GSE1: variants seen among roughly 807,000 people sequenced by gnomAD.
GSE1 encodes the protein genetic suppressor element 1.
Under a neutral mutation model 112.6 loss-of-function variants are expected in GSE1, and 32 were observed. The observed-to-expected ratio is 0.28, with a 90% confidence interval of 0.21 to 0.38. GSE1 has a LOEUF of 0.38. Among genes scored for constraint, GSE1 ranks in the 10% least tolerant of loss-of-function variants. The pLI is 1.00. For missense variants in GSE1, 2,348 were observed against 1,699.2 expected (o/e 1.38, Z -6.71); for synonymous variants, 1,115 against 735.6 (o/e 1.52, Z -8.35).
intron 1 of GSE1, among the ~76,000 whole-genome samples, chr16:85,238,427 G>A (rs947544817): frequency 3.3e-5 from 5 of 152,238 alleles, no homozygotes; most frequent in African/African-American, 1.2e-4. Context: ...GGTGGGGGCT[G>A]GTGCTGCAGT....
At chr16:85,558,529 C>T (rs904981610) in intron 1 of GSE1, among the ~76,000 whole-genome samples, 1 of 152,136 alleles carries the variant, frequency 6.6e-6, no homozygotes, top group Non-Finnish European at 1.5e-5. Context: ...AAATTCAAAG[C>T]CATTAAGGAA....
chr16:85,313,892 A>T (rs1273111411), intron 1 of GSE1, among the ~76,000 whole-genome samples: 2 of 151,188 alleles, frequency 1.3e-5, no homozygotes, highest in Non-Finnish European at 2.9e-5. Flanking sequence ...TCCTGGGGTG[A>T]TGTGCTACAG....
At chr16:85,256,243 A>C (rs1907067423) in intron 1 of GSE1, among the ~76,000 whole-genome samples, 1 of 152,182 alleles carries the variant, frequency 6.6e-6, no homozygotes, top group South Asian at 2.1e-4. Flanking sequence ...TGGGGAAAAC[A>C]ACCCAACAAA....
At chr16:85,359,621 T>A (rs62048512) in intron 2 of GSE1, among the ~76,000 whole-genome samples, 1 of 152,230 alleles carries the variant, frequency 6.6e-6, no homozygotes, top group Non-Finnish European at 1.5e-5. Flanking sequence ...GAACCAAGTC[T>A]GCCTTTTTCC....
At chr16:85,304,608 G>GGGGGGGGGGA (rs1567675843) in intron 1 of GSE1, among the ~76,000 whole-genome samples, 1 of 132,096 alleles carries the variant, frequency 7.6e-6, no homozygotes, top group Non-Finnish European at 1.7e-5. Flanking sequence ...GGGCGGGGGG[G>GGGGGGGGGGA]TGGGGCATCC....
In GSE1 at chr16:85,367,554, G is replaced by A. The variant is rs576663369; in HGVS notation, c.2464+9911G>A. On this transcript the variant is annotated intron_variant, in intron 2 of 2. Transcript: ENST00000637419. Reference sequence around the variant, plus strand: ...GCAGGGGACAGAGAGACCTGAGGGCGTGGCTTTAGACGGGTGGTCGCAGAG... The same window carrying A: ...GCAGGGGACAGAGAGACCTGAGGGCATGGCTTTAGACGGGTGGTCGCAGAG... Among the ~76,000 whole-genome samples the A allele has an allele frequency of 3.7e-4, 56 of 152,358 alleles. 1 individual carries two copies. The highest frequency in any genetic ancestry group is 3.3e-3 in the Admixed American group (50 of 15,312).
At chr16:85,235,427 A>ATTGTGTGTGT (rs574126768) in intron 1 of GSE1, among the ~76,000 whole-genome samples, 147 of 65,002 alleles carry the variant, frequency 2.3e-3, no homozygotes, top group Non-Finnish European at 4.0e-3. Context: ...ATGGAAGGGT[A>ATTGTGTGTGT]CTGTGTGTGT....
chr16:85,209,010 C>G (rs531745069), intron 1 of GSE1, among the ~76,000 whole-genome samples: 1 of 147,870 alleles, frequency 6.8e-6, no homozygotes, highest in African/African-American at 2.5e-5. Context: ...TGTTGGGGTT[C>G]GCTGCGTGTT....
At chr16:85,481,475 G>A (rs1203133958) in intron 2 of GSE1, among the ~76,000 whole-genome samples, 1 of 152,308 alleles carries the variant, frequency 6.6e-6, no homozygotes, top group East Asian at 1.9e-4. Context: ...CATGTAAGAG[G>A]AACCTTGCCA....
At chr16:85,336,930 A>G (rs1476801041) in intron 1 of GSE1, among the ~76,000 whole-genome samples, 2 of 152,274 alleles carry the variant, frequency 1.3e-5, no homozygotes, top group African/African-American at 4.8e-5. Context: ...ACACAAATGC[A>G]CACGCTGACA....
chr16:85,619,979 G>A (rs2048627656), intron 1 of GSE1, among the ~76,000 whole-genome samples: 1 of 152,136 alleles, frequency 6.6e-6, no homozygotes, highest in Non-Finnish European at 1.5e-5. Context: ...GAGGTCACCG[G>A]CTGCTTCGGA....
Position 85,648,538 on chromosome 16 carries a change from C to G in GSE1, c.227-14C>G, listed in dbSNP as rs770556954. ...CTGCGGCTCCCACTCAGGCCACCGT[C>G]TTCTCCTCCACAGGGTCCTCACTGA... On this transcript the variant is annotated splice_polypyrimidine_tract_variant and intron_variant, in intron 2 of 15. Coordinates refer to ENST00000253458, the MANE Select transcript of GSE1 (RefSeq NM_014615.5). The G allele has an allele frequency of 4.1e-6, 6 of 1,464,224 alleles. No homozygotes were observed. In the African/African-American group the frequency reaches 4.3e-5, roughly 11 times the overall value. 90.7% of individuals were successfully genotyped at this position (1,464,224 alleles called of 1,614,324 possible).
chr16:85,461,349 G>A (rs897168717), intron 2 of GSE1, among the ~76,000 whole-genome samples: 5 of 152,178 alleles, frequency 3.3e-5, no homozygotes, highest in Non-Finnish European at 7.4e-5. Flanking sequence ...TATGCCCTGG[G>A]GGACAACCCC....
chr16:85,334,241 C>A (rs1256770739), intron 1 of GSE1, among the ~76,000 whole-genome samples: 1 of 152,246 alleles, frequency 6.6e-6, no homozygotes, highest in Non-Finnish European at 1.5e-5. Context: ...GCTGGTCCAT[C>A]CAGAGTGTGG....
chr16:85,537,001 C>G (rs1393160880), intron 2 of GSE1, among the ~76,000 whole-genome samples: 1 of 152,204 alleles, frequency 6.6e-6, no homozygotes, highest in Non-Finnish European at 1.5e-5. Flanking sequence ...GGCCAGCAGG[C>G]CCCACCCCGA....
intron 11 of GSE1, among the ~76,000 whole-genome samples, chr16:85,664,024 C>T: frequency 6.6e-6 from 1 of 152,256 alleles, no homozygotes; most frequent in Non-Finnish European, 1.5e-5. Flanking sequence ...GGCCGGAGGC[C>T]TGGGGAAGGG....
intron 1 of GSE1, among the ~76,000 whole-genome samples, chr16:85,274,580 C>G (rs1909170114): frequency 1.3e-5 from 2 of 152,146 alleles, no homozygotes; most frequent in African/African-American, 4.8e-5. Flanking sequence ...GAATGGGCAG[C>G]CGTCGAGGCC....
At chr16:85,367,729 A>T (rs771059065) in intron 2 of GSE1, among the ~76,000 whole-genome samples, 8 of 152,232 alleles carry the variant, frequency 5.3e-5, no homozygotes, top group Non-Finnish European at 8.8e-5. Flanking sequence ...AGTGCGTGGC[A>T]CAGTGCACAT....
upstream of GSE1, chr16:85,555,677 C>T: frequency 2.3e-6 from 2 of 864,820 alleles, no homozygotes; most frequent in Non-Finnish European, 1.4e-6. Context: ...CTCCCGCCGC[C>T]CCCCCCTTCC....
Sources: gnomAD v4.1 joint callset for allele counts (sites outside exome capture counted in the v4.1 genomes callset) on GRCh38, gnomAD v4.1.1 for gene constraint, MANE v1.5 for transcripts, NCBI Gene and HGNC (gene_info 2026-07-23, HGNC 2026-07-21) for gene names.